PTPRN2: variants seen among roughly 807,000 people sequenced by gnomAD.
PTPRN2 encodes the protein protein tyrosine phosphatase receptor type N2.
In PTPRN2, 74 loss-of-function variants were observed where a neutral mutation model predicts 118.8. The ratio of observed to expected loss-of-function variants is 0.62; its 90% CI spans 0.52 to 0.76. PTPRN2 has a LOEUF of 0.76. Among genes scored for constraint, PTPRN2 ranks in the 30% least tolerant of loss-of-function variants. PTPRN2 has a pLI of 0.00. For missense variants in PTPRN2, 1,481 were observed against 1,394.4 expected (o/e 1.06, Z -0.99); for synonymous variants, 641 against 608.0 (o/e 1.05, Z -0.80).
chr7:157,624,762 G>A (rs1803470297), intron 14 of PTPRN2, among the ~76,000 whole-genome samples: 2 of 152,154 alleles, frequency 1.3e-5, no homozygotes, highest in Non-Finnish European at 2.9e-5. Flanking sequence ...CTACTCAGAC[G>A]TCTTCTGGAA....
At chr7:158,340,988 C>G (rs1236714989) in intron 2 of PTPRN2, among the ~76,000 whole-genome samples, 1 of 78,796 alleles carries the variant, frequency 1.3e-5, no homozygotes, top group Non-Finnish European at 2.8e-5. Context: ...CACCCACACT[C>G]TCACCATAAG....
At chr7:157,722,712 G>A (rs948704988) in intron 12 of PTPRN2, among the ~76,000 whole-genome samples, 2 of 152,192 alleles carry the variant, frequency 1.3e-5, no homozygotes, top group African/African-American at 4.8e-5. Context: ...GGAGGCATGA[G>A]TGCCAGCCTC....
At chr7:157,815,042 C>T (rs1236997796) in intron 12 of PTPRN2, among the ~76,000 whole-genome samples, 1 of 152,250 alleles carries the variant, frequency 6.6e-6, no homozygotes, top group Non-Finnish European at 1.5e-5. Flanking sequence ...CTCTCCTCTG[C>T]ACCTGAACCC....
chr7:158,162,417 T>TACTATTCAGCACTA (rs1443834218), intron 6 of PTPRN2, among the ~76,000 whole-genome samples: 1 of 152,152 alleles, frequency 6.6e-6, no homozygotes, highest in Non-Finnish European at 1.5e-5. Flanking sequence ...AATAATACAA[T>TACTATTCAGCACTA]ACTATTCAGC....
At chr7:158,125,717 G>A (rs1006545650) in intron 9 of PTPRN2, among the ~76,000 whole-genome samples, 3 of 152,168 alleles carry the variant, frequency 2.0e-5, no homozygotes, top group Admixed American at 6.5e-5. Flanking sequence ...TGAGGACTGC[G>A]CTTTCTGAAC....
At chr7:157,994,857 CAGCTCCTTGTTCCTAAAATCAACGCCGT>C (rs1804585660) in intron 11 of PTPRN2, among the ~76,000 whole-genome samples, 1 of 14,360 alleles carries the variant, frequency 7.0e-5, no homozygotes, top group Admixed American at 5.6e-4. Context: ...CCCCAGCTTA[CAGCTCCTTGTTCCTAAAATCAACGCCGT>C]GTCCCCAGCT....
chr7:157,802,982 G>A (rs1175747632), intron 12 of PTPRN2, among the ~76,000 whole-genome samples: 9 of 151,922 alleles, frequency 5.9e-5, no homozygotes, highest in Non-Finnish European at 1.3e-4. Flanking sequence ...ATTACTTTTT[G>A]GAGATGGAGT....
chr7:157,756,918 T>A (rs1801814436), intron 12 of PTPRN2, among the ~76,000 whole-genome samples: 1 of 151,984 alleles, frequency 6.6e-6, no homozygotes, highest in African/African-American at 2.4e-5. Context: ...CTTAAGCACA[T>A]GAAGAAGAAA....
At position 157,845,647 on chromosome 7, in the gene PTPRN2, C is replaced by T. The variant is rs763661758; in HGVS notation, c.1788+53026G>A. On this transcript the variant is annotated intron_variant, in intron 12 of 22. Coordinates refer to ENST00000389418, the MANE Select transcript of PTPRN2 (RefSeq NM_002847.5). The surrounding 1 kb of genome is among the most constrained non-coding windows in gnomAD (Gnocchi z 4.5). The stretch of plus-strand genomic sequence containing the variant: ...AGCCACTTGCAGATGCGGTAACCCA[C>T]TGTGCGGCACAGAACCTCCCCGCGG... Among the ~76,000 whole-genome samples the T allele has an allele frequency of 1.3e-5, 2 of 152,238 alleles. No homozygotes were observed. The highest frequency in any genetic ancestry group is 1.5e-5 in the Non-Finnish European group (1 of 68,048).
chr7:158,321,408 C>T (rs1230542223), intron 2 of PTPRN2, among the ~76,000 whole-genome samples: 2 of 152,340 alleles, frequency 1.3e-5, no homozygotes, highest in South Asian at 2.1e-4. Context: ...TCTTCTACTT[C>T]GGACTCTGTT....
intron 16 of PTPRN2, among the ~76,000 whole-genome samples, chr7:157,595,952 G>C (rs903515595): frequency 3.3e-5 from 5 of 152,202 alleles, no homozygotes; most frequent in African/African-American, 1.2e-4. Flanking sequence ...AGCCCACTCA[G>C]CAGGTGCGAC....
intron 11 of PTPRN2, among the ~76,000 whole-genome samples, chr7:158,051,258 G>A (rs551020519): frequency 2.0e-5 from 3 of 152,172 alleles, no homozygotes; most frequent in Non-Finnish European, 2.9e-5. Context: ...GAGGGGAGAC[G>A]GCACAGTGCA....
chr7:158,027,412 G>A (rs1178975686), intron 11 of PTPRN2: 1 of 152,212 alleles, frequency 6.6e-6, no homozygotes, highest in Non-Finnish European at 1.5e-5. Context: ...GTGGCTCTCG[G>A]CCCCCATGGG....
intron 22 of PTPRN2, among the ~76,000 whole-genome samples, chr7:157,541,875 G>A (rs1398979854): frequency 2.6e-5 from 4 of 152,222 alleles, no homozygotes; most frequent in African/African-American, 4.8e-5. Context: ...ACAAAAGACA[G>A]TTTCTCCTTT....
rs567977988 is a variant in PTPRN2 at position 158,136,657 on chromosome 7, C to T, written c.1171G>A (p.Glu391Lys). 6.2e-6 allele frequency: 10 copies of T among 1,613,440 alleles called. No individual in the cohort carries two copies. The African/African-American group carries it at 1.3e-4, about 22-fold the overall frequency. The change falls in exon 8 of 23, where the codon GAG becomes AAG. Residue 391 changes from glutamate to lysine, a missense_variant and splice_region_variant. Coordinates refer to ENST00000389418, the MANE Select transcript of PTPRN2 (RefSeq NM_002847.5). The stretch of plus-strand genomic sequence containing the variant: ...AAACACCAGAGACGTCATCTTACCT[C>T]TTGGTAAAGTCTATCATCGTCGTCC... ...VQDDDDRLYQ[E>K]VHRLSATLGG...
intron 6 of PTPRN2, among the ~76,000 whole-genome samples, chr7:158,161,439 T>A (rs753323149): frequency 3.9e-5 from 6 of 152,094 alleles, no homozygotes; most frequent in Non-Finnish European, 7.3e-5. Context: ...TCCACATACA[T>A]GAGGTCAGCC....
In PTPRN2 at chr7:158,251,411, C is replaced by T. The variant is rs191613625; in HGVS notation, c.278-46138G>A. On this transcript the variant is annotated intron_variant, in intron 3 of 22. Transcript: ENST00000389418. ...ATGGATGTATACAGTGCATGTGGGG[C>T]GTGTGCAGGTGTGCAATGGATGTAT... Among the ~76,000 whole-genome samples the T allele has an allele frequency of 8.3e-4, 121 of 145,748 alleles. 2 individuals are homozygous for T. The highest frequency in any genetic ancestry group is 1.4e-3 in the Non-Finnish European group (95 of 66,232).
chr7:158,465,305 C>T lies in PTPRN2; in HGVS notation c.163+24430G>A, dbSNP rs908605209. Among the ~76,000 whole-genome samples the T allele has an allele frequency of 3.3e-5, 5 of 152,206 alleles. No homozygotes were observed. The South Asian group carries it at 8.3e-4, about 25-fold the overall frequency. ...TTCTCCCACTGGATGTCTCTTCTTT[C>T]CCACCCCGTGACCCCTTTGAATTCT... On this transcript the variant is annotated intron_variant, in intron 2 of 22. Coordinates refer to ENST00000389418, the MANE Select transcript of PTPRN2 (RefSeq NM_002847.5).
intron 9 of PTPRN2, among the ~76,000 whole-genome samples, chr7:158,132,036 C>T (rs986021358): frequency 6.6e-6 from 1 of 151,882 alleles, no homozygotes; most frequent in African/African-American, 2.4e-5. Flanking sequence ...CATATACACT[C>T]ATACACACAC....
Sources: allele counts gnomAD v4.1 joint callset (sites outside exome capture counted in the v4.1 genomes callset), GRCh38; gene constraint gnomAD v4.1.1; non-coding constraint Gnocchi (gnomAD v3.1); transcripts MANE v1.5; gene names NCBI Gene and HGNC (gene_info 2026-07-23, HGNC 2026-07-21).